The following CDIP1 variants were observed in gnomAD, a reference collection of about 807,000 sequenced individuals.
CDIP1 encodes cell death inducing p53 target 1, also known as cell death-inducing p53-target protein 1.
A neutral mutation model predicts 17.7 loss-of-function variants in CDIP1; 9 were observed. The observed-to-expected ratio is 0.51, with a 90% confidence interval of 0.31 to 0.89. CDIP1 has a LOEUF of 0.89. Ranked by LOEUF, CDIP1 falls within the 40% of genes least tolerant of loss-of-function variation. CDIP1 has a pLI of 0.05. For synonymous variants in CDIP1, 117 were observed against 109.5 expected (o/e 1.07, Z -0.43); for missense variants, 263 against 277.9 (o/e 0.95, Z 0.38).
chr16:4,518,416 C>G (rs1276643247), intron 1 of CDIP1, among the ~76,000 whole-genome samples: 1 of 152,224 alleles, frequency 6.6e-6, no homozygotes, highest in African/African-American at 2.4e-5. Flanking sequence ...CTGCACAGGG[C>G]TGGCTTCCCC....
chr16:4,535,959 C>T (rs1299233115), intron 1 of CDIP1, among the ~76,000 whole-genome samples: 1 of 152,198 alleles, frequency 6.6e-6, no homozygotes, highest in Non-Finnish European at 1.5e-5. Context: ...TTTGAGTAAT[C>T]TATTTCCAAG....
In CDIP1 at chr16:4,513,191, C is replaced by T. The variant is rs756795477; in HGVS notation, c.242-127G>A. On this transcript the variant is annotated intron_variant, in intron 4 of 5. Transcript: ENST00000567695. The surrounding 1 kb of genome is among the most constrained non-coding windows in gnomAD (Gnocchi z 4.1). ...CAAGGCTACGCCTCAGACCTCCTAC[C>T]GCCCTCCTAACGGGCCAGTGGGAGG... is the stretch of plus-strand genomic sequence containing the variant. 15 of 1,003,422 alleles carry T rather than the reference C, an allele frequency of 1.5e-5. No individual in the cohort carries two copies. The Admixed American group carries it at 2.0e-4, about 14-fold the overall frequency. The allele number at this position is 1,003,422 out of a possible 1,614,324, so 62.2% of individuals were successfully genotyped here. A position where few individuals can be genotyped will look rare whatever the true frequency, so the allele number is the denominator to read the frequency against.
chr16:4,521,591 G>T (rs564956800), intron 1 of CDIP1, among the ~76,000 whole-genome samples: 108 of 152,080 alleles, frequency 7.1e-4, no homozygotes, highest in Middle Eastern at 6.8e-3. Flanking sequence ...GGCCAGGTGT[G>T]GTGGCTCAGG....
chr16:4,513,176 C>A lies in CDIP1; in HGVS notation c.242-112G>T. ...ACAGCGCCCAGCGTGCAAGGCTACG[C>A]CTCAGACCTCCTACCGCCCTCCTAA... On this transcript the variant is annotated intron_variant, in intron 4 of 5. Transcript: ENST00000567695. This position sits in a 1 kb window ranked among gnomAD's most constrained non-coding sequence, Gnocchi z 4.1. The A allele has an allele frequency of 9.0e-7, 1 of 1,107,804 alleles. No individual in the cohort carries two copies. The allele number at this position is 1,107,804 out of a possible 1,614,324, so 68.6% of individuals were successfully genotyped here.
chr16:4,514,258 G>A lies in CDIP1; in HGVS notation c.-14-114C>T. 1.6e-6 allele frequency: 1 copy of A among 622,986 alleles called. No homozygotes were observed. Among genetic ancestry groups the A allele is most frequent in the Non-Finnish European group, 2.8e-6 (1 of 362,460 alleles). 38.6% of individuals were successfully genotyped at this position (622,986 alleles called of 1,614,324 possible). On this transcript the variant is annotated intron_variant, in intron 2 of 5. Transcript: ENST00000567695. This position sits in a 1 kb window ranked among gnomAD's most constrained non-coding sequence, Gnocchi z 5.2. ...CAAGGCGTGTGACCATCCTCAGAAG[G>A]GTCTGCCTCCAGGCACTGGGGATCC...
In CDIP1 at chr16:4,512,100, C is replaced by T. The variant is rs375570653; in HGVS notation, c.*472G>A. On this transcript the variant is annotated 3_prime_UTR_variant, in exon 6 of 6. Transcript: ENST00000567695. This position sits in a 1 kb window ranked among gnomAD's most constrained non-coding sequence, Gnocchi z 4.6. ...CAAACCCAGGCTTTGTGACCCTGTC[C>T]TACGTGGGCCCACCTGACTCCAGAC... The T allele has an allele frequency of 5.4e-4, 94 of 172,734 alleles. 3 individuals carry two copies. The South Asian group carries it at 0.012, about 22-fold the overall frequency. The allele number at this position is 172,734 out of a possible 1,614,324, so 10.7% of individuals were successfully genotyped here. A position where few individuals can be genotyped will look rare whatever the true frequency, so the allele number is the denominator to read the frequency against.
intron 1 of CDIP1, among the ~76,000 whole-genome samples, chr16:4,517,154 C>T (rs1331572148): frequency 6.6e-6 from 1 of 152,172 alleles, no homozygotes; most frequent in Non-Finnish European, 1.5e-5. Context: ...ATGACTAGGT[C>T]AAAGGACATG....
chr16:4,525,833 G>A (rs2058994337), intron 1 of CDIP1, among the ~76,000 whole-genome samples: 1 of 152,224 alleles, frequency 6.6e-6, no homozygotes, highest in African/African-American at 2.4e-5. Flanking sequence ...AGGCAGGCCT[G>A]GAAAATCCTG....
chr16:4,525,818 A>C (rs1345302048), intron 1 of CDIP1, among the ~76,000 whole-genome samples: 1 of 152,220 alleles, frequency 6.6e-6, no homozygotes, highest in Non-Finnish European at 1.5e-5. Context: ...GCCAAGTTCT[A>C]GCACAGGCAG....
chr16:4,528,377 C>A (rs183955678), intron 1 of CDIP1, among the ~76,000 whole-genome samples: 1 of 152,288 alleles, frequency 6.6e-6, no homozygotes, highest in African/African-American at 2.4e-5. Context: ...CTGCACTCTT[C>A]CATAACACAT....
chr16:4,521,022 A>C (rs1442760177), intron 1 of CDIP1, among the ~76,000 whole-genome samples: 2 of 152,200 alleles, frequency 1.3e-5, no homozygotes, highest in African/African-American at 4.8e-5. Context: ...GATCTTAAAA[A>C]GCTGTGGACT....
At position 4,514,149 on chromosome 16, in the gene CDIP1, A is replaced by T. The variant is rs892623790; in HGVS notation, c.-14-5T>A. ...TGGACATCTTCGCTGCTTCTCCTGG[A>T]CATGGAGGGAAAACCCAGACATGAA... On this transcript the variant is annotated splice_polypyrimidine_tract_variant and splice_region_variant and intron_variant, in intron 2 of 5. Transcript: ENST00000567695. This position sits in a 1 kb window ranked among gnomAD's most constrained non-coding sequence, Gnocchi z 5.2. 1 of 1,503,170 alleles carries T rather than the reference A, an allele frequency of 6.7e-7. No homozygotes were observed. Among genetic ancestry groups the T allele is most frequent in the South Asian group, 1.3e-5 (1 of 77,322 alleles). The allele number at this position is 1,503,170 out of a possible 1,614,324, so 93.1% of individuals were successfully genotyped here. A position where few individuals can be genotyped will look rare whatever the true frequency, so the allele number is the denominator to read the frequency against.
chr16:4,512,528 G>A lies in CDIP1; in HGVS notation c.*44C>T. 7.1e-7 allele frequency: 1 copy of A among 1,418,368 alleles called. No homozygotes were observed. Among genetic ancestry groups the A allele is most frequent in the Non-Finnish European group, 1.0e-6 (1 of 1,002,362 alleles). 87.9% of individuals were successfully genotyped at this position (1,418,368 alleles called of 1,614,324 possible). A position where few individuals can be genotyped will look rare whatever the true frequency, so the allele number is the denominator to read the frequency against. On this transcript the variant is annotated 3_prime_UTR_variant, in exon 6 of 6. Coordinates refer to ENST00000567695, the MANE Select transcript of CDIP1 (RefSeq NM_013399.3). This position sits in a 1 kb window ranked among gnomAD's most constrained non-coding sequence, Gnocchi z 4.6. Reference sequence around the variant, plus strand: ...CACTGAGCACAGGGAGCAAAGCACAGGGGGCCAGACTGACAGGCGGGGGAG... The same window carrying A: ...CACTGAGCACAGGGAGCAAAGCACAAGGGGCCAGACTGACAGGCGGGGGAG...
At position 4,513,211 on chromosome 16, in the gene CDIP1, G is replaced by T; in HGVS notation, c.242-147C>A. On this transcript the variant is annotated intron_variant, in intron 4 of 5. Transcript: ENST00000567695. The surrounding 1 kb of genome is among the most constrained non-coding windows in gnomAD (Gnocchi z 4.1). ...CCTACCGCCCTCCTAACGGGCCAGTGGGAGGCCTTACAGCTGGGGCCCTAA... is the reference window on the plus strand; with the variant it reads ...CCTACCGCCCTCCTAACGGGCCAGTTGGAGGCCTTACAGCTGGGGCCCTAA... 2.4e-6 allele frequency: 2 copies of T among 836,758 alleles called. No homozygotes were observed. Among genetic ancestry groups the T allele is most frequent in the South Asian group, 1.8e-5 (1 of 55,086 alleles). The allele number at this position is 836,758 out of a possible 1,614,324, so 51.8% of individuals were successfully genotyped here.
At chr16:4,536,366 C>G (rs1278405584) in intron 1 of CDIP1, 1 of 152,148 alleles carries the variant, frequency 6.6e-6, no homozygotes, top group Non-Finnish European at 1.5e-5. Context: ...AGCTAAATTG[C>G]ACTACACACC....
At position 4,512,546 on chromosome 16, in the gene CDIP1, C is replaced by T. The variant is rs770439524; in HGVS notation, c.*26G>A. 5.3e-5 allele frequency: 81 copies of T among 1,526,192 alleles called. No homozygotes were observed. The highest frequency in any genetic ancestry group is 6.7e-5 in the Admixed American group (4 of 59,790). 94.5% of individuals were successfully genotyped at this position (1,526,192 alleles called of 1,614,324 possible). A position where few individuals can be genotyped will look rare whatever the true frequency, so the allele number is the denominator to read the frequency against. On this transcript the variant is annotated 3_prime_UTR_variant, in exon 6 of 6. Coordinates refer to ENST00000567695, the MANE Select transcript of CDIP1 (RefSeq NM_013399.3). This position sits in a 1 kb window ranked among gnomAD's most constrained non-coding sequence, Gnocchi z 4.6. Reference sequence around the variant, plus strand: ...AAGCACAGGGGGCCAGACTGACAGGCGGGGGAGTCCCGAGTCCCAGCTCCG... The same window carrying T: ...AAGCACAGGGGGCCAGACTGACAGGTGGGGGAGTCCCGAGTCCCAGCTCCG...
In CDIP1 at chr16:4,514,123, C is replaced by G; in HGVS notation, c.8G>C (p.Ser3Thr). Reference protein sequence around the residue: MSSEPPPPYPGGP... With the variant: MSTEPPPPYPGGP... ...CCCAGGATAAGGAGGGGGAGGCTCG[C>G]TGGACATCTTCGCTGCTTCTCCTGG... The change falls in exon 3 of 6, where the codon AGC becomes ACC. Residue 3 changes from serine to threonine, a missense_variant. Coordinates refer to ENST00000567695, the MANE Select transcript of CDIP1 (RefSeq NM_013399.3). The surrounding 1 kb of genome is among the most constrained non-coding windows in gnomAD (Gnocchi z 5.2). The G allele has an allele frequency of 6.5e-7, 1 of 1,544,390 alleles. No homozygotes were observed. Among genetic ancestry groups the G allele is most frequent in the Non-Finnish European group, 8.7e-7 (1 of 1,155,502 alleles).
At position 4,513,068 on chromosome 16, in the gene CDIP1, G is replaced by A. The variant is rs777540139; in HGVS notation, c.242-4C>T. ...GGGCCTGGAGGAGGGTAGAAACCTGGAATGGCACAGAAGATGGAGGCGAGA... is the reference window on the plus strand; with the variant it reads ...GGGCCTGGAGGAGGGTAGAAACCTGAAATGGCACAGAAGATGGAGGCGAGA... On this transcript the variant is annotated splice_polypyrimidine_tract_variant and splice_region_variant and intron_variant, in intron 4 of 5. Transcript: ENST00000567695. This position sits in a 1 kb window ranked among gnomAD's most constrained non-coding sequence, Gnocchi z 4.1. 1.2e-5 allele frequency: 19 copies of A among 1,582,044 alleles called. No homozygotes were observed. Among genetic ancestry groups the A allele is most frequent in the East Asian group, 2.3e-5 (1 of 44,138 alleles).
intron 1 of CDIP1, among the ~76,000 whole-genome samples, chr16:4,521,355 G>T (rs368427327): frequency 2.6e-5 from 4 of 152,148 alleles, no homozygotes; most frequent in African/African-American, 4.8e-5. Flanking sequence ...TTCAAGAACT[G>T]CTGTGCTAGA....
Sources: allele counts gnomAD v4.1 joint callset (sites outside exome capture counted in the v4.1 genomes callset), GRCh38; gene constraint gnomAD v4.1.1; non-coding constraint Gnocchi (gnomAD v3.1); transcripts MANE v1.5; gene names NCBI Gene and HGNC (gene_info 2026-07-23, HGNC 2026-07-21).